Variants in TJP3 observed in about 807,000 individuals in gnomAD.
The protein encoded by TJP3 is tight junction protein 3.
In TJP3, 85 loss-of-function variants were observed where a neutral mutation model predicts 104.2. The ratio of observed to expected loss-of-function variants is 0.82; its 90% confidence interval spans 0.68 to 0.98. The LOEUF (loss-of-function observed/expected upper bound fraction) is 0.98, where lower values mean the gene tolerates loss of function less well. TJP3 is among the 50% of genes least tolerant of loss of function. TJP3 has a pLI of 0.00. For missense variants in TJP3, 1,367 were observed against 1,322.8 expected (o/e 1.03, Z -0.52); for synonymous variants, 550 against 550.6 (o/e 1.00, Z 0.02).
chr19:3,741,103 C>G (rs541924990), intron 14 of TJP3, among the ~76,000 whole-genome samples: 3 of 151,958 alleles, frequency 2.0e-5, no homozygotes, highest in Non-Finnish European at 4.4e-5. Context: ...CTGATTCAAG[C>G]GATTCTCTTG....
At chr19:3,710,135 T>G (rs1599138695) in intron 1 of TJP3, among the ~76,000 whole-genome samples, 8 of 105,522 alleles carry the variant, frequency 7.6e-5, no homozygotes, top group East Asian at 2.8e-4. Context: ...GACAACAGAG[T>G]GAGACTCTGT....
Position 3,744,613 on chromosome 19 carries a change from G to A in TJP3, c.1939+579G>A, listed in dbSNP as rs542110358. ...CGTGAGGCAGAGGTTGCAGTGAGCC[G>A]AGGTCATGCCACTGCACTCCAGCCT... On this transcript the variant is annotated intron_variant, in intron 15 of 20. Transcript: ENST00000541714. 1.3e-4 allele frequency among the ~76,000 whole-genome samples: 19 copies of A among 151,552 alleles called. No homozygotes were observed. In the East Asian group the frequency reaches 1.6e-3, roughly 12 times the overall value.
intron 15 of TJP3, among the ~76,000 whole-genome samples, chr19:3,745,763 C>T (rs961720944): frequency 2.6e-5 from 4 of 152,190 alleles, no homozygotes; most frequent in African/African-American, 7.2e-5. Flanking sequence ...GCCTCAGTTT[C>T]CCCACCTGCC....
At chr19:3,729,846 T>G (rs1246754838) in intron 3 of TJP3, among the ~76,000 whole-genome samples, 182 bp from the exon 4 acceptor site, 3 of 151,760 alleles carry the variant, frequency 2.0e-5, no homozygotes, top group African/African-American at 4.8e-5. Flanking sequence ...TTGGCTCCAT[T>G]TTACAGGTGA....
chr19:3,716,012 C>T (rs1240857900), intron 1 of TJP3, among the ~76,000 whole-genome samples: 1 of 151,738 alleles, frequency 6.6e-6, no homozygotes, highest in Non-Finnish European at 1.5e-5. Flanking sequence ...CTCCTGACCT[C>T]ACGTGATCCA....
Position 3,734,429 on chromosome 19 carries a change from C to CTCCCG in TJP3, c.982_986dup (p.Glu330ProfsTer13). On this transcript the variant is annotated frameshift_variant, in exon 8 of 21. Coordinates refer to ENST00000541714, the MANE Select transcript of TJP3 (RefSeq NM_001267560.2). LOFTEE classifies it high-confidence loss of function. ...AGCCCCGAGGCCAGCCAGACCGACT[C>CTCCCG]TCCCGTGTAAGTATCACCCATCGGC... 6.2e-7 allele frequency: 1 copy of CTCCCG among 1,607,158 alleles called. No individual in the cohort carries two copies. The highest frequency in any genetic ancestry group is 8.5e-7 in the Non-Finnish European group (1 of 1,177,856).
Position 3,746,346 on chromosome 19 carries a change from C to T in TJP3, c.2011-139C>T. The T allele has an allele frequency of 4.2e-6, 4 of 951,718 alleles. No individual in the cohort carries two copies. The highest frequency in any genetic ancestry group is 6.2e-6 in the Non-Finnish European group (4 of 640,948). The allele number at this position is 951,718 out of a possible 1,614,324, so 59.0% of individuals were successfully genotyped here. On this transcript the variant is annotated intron_variant, in intron 16 of 20. Coordinates refer to ENST00000541714, the MANE Select transcript of TJP3 (RefSeq NM_001267560.2). This position sits in a 1 kb window ranked among gnomAD's most constrained non-coding sequence, Gnocchi z 4.1. ...ATGCTGCGACCTGGGCTGTTACCAC[C>T]CCCATCCCCAACTTGCTAGCCTGTG...
At position 3,735,864 on chromosome 19, in the gene TJP3, T is replaced by G; in HGVS notation, c.1061-5T>G. 1 of 1,614,104 alleles carries G rather than the reference T, an allele frequency of 6.2e-7. No homozygotes were observed. Among genetic ancestry groups the G allele is most frequent in the Non-Finnish European group, 8.5e-7 (1 of 1,180,020 alleles). ...TTGGGAAAGAGACTGGCTTTTCCCT[T>G]TCAGAGTTGCCCAGGGAAAGCAGCT... On this transcript the variant is annotated splice_region_variant and splice_polypyrimidine_tract_variant and intron_variant, in intron 9 of 20. Coordinates refer to ENST00000541714, the MANE Select transcript of TJP3 (RefSeq NM_001267560.2).
intron 1 of TJP3, among the ~76,000 whole-genome samples, chr19:3,711,932 A>T (rs11085032): frequency 6.6e-6 from 1 of 151,370 alleles, no homozygotes; most frequent in Non-Finnish European, 1.5e-5. Flanking sequence ...GTGATCTGCC[A>T]GCCTCAGCCA....
chr19:3,741,145 C>T (rs950118551), intron 14 of TJP3, among the ~76,000 whole-genome samples: 1 of 151,936 alleles, frequency 6.6e-6, no homozygotes, highest in Non-Finnish European at 1.5e-5. Context: ...GGATTACAGG[C>T]GCCCATCACC....
At chr19:3,722,316 G>T (rs1405784733) in intron 1 of TJP3, among the ~76,000 whole-genome samples, 1 of 152,148 alleles carries the variant, frequency 6.6e-6, no homozygotes, top group African/African-American at 2.4e-5. Context: ...AGAGCTTGGC[G>T]CATCGTAGGT....
In TJP3 at chr19:3,748,086, G is replaced by C. The variant is rs968832285; in HGVS notation, c.2610+5G>C. ...TCGGCTCATCAGGGGGCCCAGGTGC[G>C]TCGGACATGGGGGGCAGGCCTGGGA... On this transcript the variant is annotated splice_donor_5th_base_variant and intron_variant, in intron 19 of 20. Coordinates refer to ENST00000541714, the MANE Select transcript of TJP3 (RefSeq NM_001267560.2). 1.3e-6 allele frequency: 2 copies of C among 1,549,864 alleles called. No individual in the cohort carries two copies. Among genetic ancestry groups the C allele is most frequent in the African/African-American group, 1.4e-5 (1 of 73,502 alleles).
At chr19:3,714,903 G>C (rs928850050) in intron 1 of TJP3, among the ~76,000 whole-genome samples, 2 of 152,176 alleles carry the variant, frequency 1.3e-5, no homozygotes, top group Non-Finnish European at 2.9e-5. Context: ...CCAATCACAC[G>C]TCATATACTT....
intron 1 of TJP3, among the ~76,000 whole-genome samples, chr19:3,719,732 CAAAAAAAAAAA>C (rs34047272): frequency 0.031 from 2,509 of 81,834 alleles, 94 homozygotes; most frequent in African/African-American, 0.1. Flanking sequence ...GACTCCGTCT[CAAAAAAAAAAA>C]AAAAAAAAAA....
chr19:3,747,871 CA>C lies in TJP3; in HGVS notation c.2401del (p.Ser801AlafsTer93), dbSNP rs1412819217. 1.1e-5 allele frequency: 18 copies of C among 1,612,770 alleles called. No individual in the cohort carries two copies. Among genetic ancestry groups the C allele is most frequent in the Non-Finnish European group, 1.4e-5 (16 of 1,179,900 alleles). On this transcript the variant is annotated frameshift_variant, in exon 19 of 21. Coordinates refer to ENST00000541714, the MANE Select transcript of TJP3 (RefSeq NM_001267560.2). LOFTEE classifies it high-confidence loss of function. ...ADSSADLSCD[S>X]RVNSDYETDG... ...ACAGCTCCGCTGACCTCAGCTGCGACAGCCGCGTTAACAGCGACTACGAGAC... is the reference window on the plus strand; with the variant it reads ...ACAGCTCCGCTGACCTCAGCTGCGACGCCGCGTTAACAGCGACTACGAGAC...
At chr19:3,737,788 C>T (rs1006645611) in intron 11 of TJP3, among the ~76,000 whole-genome samples, 1 of 152,194 alleles carries the variant, frequency 6.6e-6, no homozygotes, top group African/African-American at 2.4e-5. Context: ...TGTATTTCTA[C>T]TCATTTTGCT....
intron 14 of TJP3, 96 bp downstream of exon 14, chr19:3,740,859 G>A: frequency 8.1e-7 from 1 of 1,230,930 alleles, no homozygotes; most frequent in Non-Finnish European, 1.1e-6. Flanking sequence ...GCACAGTCTT[G>A]GCCCGGCGTG....
intron 18 of TJP3, 130 bp downstream of exon 18, chr19:3,747,006 G>T: frequency 1.2e-6 from 1 of 831,362 alleles, no homozygotes; most frequent in South Asian, 1.6e-5. Flanking sequence ...GAGTCAAGAT[G>T]GGACCTGAGA....
rs2036799784 is a variant in TJP3 at position 3,740,539 on chromosome 19, C to CTCT, written c.1632-9_1632-7dup. 1.4e-6 allele frequency: 2 copies of CTCT among 1,440,922 alleles called. No homozygotes were observed. The highest frequency in any genetic ancestry group is 2.9e-5 in the African/African-American group (2 of 69,864). The allele number at this position is 1,440,922 out of a possible 1,614,324, so 89.3% of individuals were successfully genotyped here. On this transcript the variant is annotated splice_polypyrimidine_tract_variant and intron_variant, in intron 13 of 20. Coordinates refer to ENST00000541714, the MANE Select transcript of TJP3 (RefSeq NM_001267560.2). Reference sequence around the variant, plus strand: ...TGACCCCAGTGCTCAGTACTGTCCCCTCTTCTCCCCAGGGCGGAGCAGCTG... The same window carrying CTCT: ...TGACCCCAGTGCTCAGTACTGTCCCCTCTTCTTCTCCCCAGGGCGGAGCAGCTG...
Sources: gnomAD v4.1 joint callset for allele counts (sites outside exome capture counted in the v4.1 genomes callset) on GRCh38, gnomAD v4.1.1 for gene constraint, Gnocchi (gnomAD v3.1) non-coding constraint, MANE v1.5 for transcripts, NCBI Gene and HGNC (gene_info 2026-07-23, HGNC 2026-07-21) for gene names.